Variants in MYPOP observed in about 807,000 individuals in gnomAD.
The protein encoded by MYPOP is Myb related transcription factor, partner of profilin.
MYPOP carries 21 observed loss-of-function variants against 25.7 expected under a neutral mutation model. The ratio of observed to expected loss-of-function variants is 0.82; its 90% confidence interval spans 0.58 to 1.18. The LOEUF (loss-of-function observed/expected upper bound fraction) is 1.18, where lower values mean the gene tolerates loss of function less well. Ranked by LOEUF, MYPOP falls within the 50% of genes most tolerant of loss-of-function variation. The pLI is 0.00. For synonymous variants in MYPOP, 280 were observed against 247.9 expected (o/e 1.13, Z -1.22); for missense variants, 566 against 588.3 (o/e 0.96, Z 0.39).
rs1476371537 is a variant in MYPOP, at chr19:45,891,126, G to A, written c.697C>T (p.Leu233=). 30 of 1,474,010 alleles carry A rather than the reference G, an allele frequency of 2.0e-5. 1 individual carries two copies. The Admixed American group carries it at 4.9e-4, about 24-fold the overall frequency. 91.3% of individuals were successfully genotyped at this position (1,474,010 alleles called of 1,614,324 possible). A position where few individuals can be genotyped will look rare whatever the true frequency, so the allele number is the denominator to read the frequency against. ...GGGGGTGAGGGTGCCACTTGGGCCAGTGGCGGTGGGGGTGGCAGTGGAGGG... is the reference window on the plus strand; with the variant it reads ...GGGGGTGAGGGTGCCACTTGGGCCAATGGCGGTGGGGGTGGCAGTGGAGGG... ...PAPPLPPPPP[L]AQVAPSPPSP... The change falls in exon 3 of 3, where the codon CTG becomes TTG. Residue 233 remains leucine, a synonymous_variant. Transcript: ENST00000322217.
intron 2 of MYPOP, among the ~76,000 whole-genome samples, chr19:45,898,434 TGCCTCA>T (rs984888749): frequency 2.0e-5 from 3 of 151,868 alleles, no homozygotes. Context: ...GCGATTCTCC[TGCCTCA>T]GCCTTCCTGA....
In MYPOP at chr19:45,891,303, C is replaced by T. The variant is rs1967122003; in HGVS notation, c.520G>A (p.Ala174Thr). ...CATGGCTCCGGGCTGCTGGAGCCCG[C>T]CTTGCTGTGGGCTGATGTATCTGTA... ...RRADTSAHSK[A>T]GSSSPEPWAR... The change falls in exon 3 of 3, where the codon GCG (alanine) becomes ACG (threonine). Residue 174 changes from alanine to threonine, a missense_variant. Transcript: ENST00000322217. 4 of 1,533,250 alleles carry T rather than the reference C, an allele frequency of 2.6e-6. No homozygotes were observed. The East Asian group carries it at 9.2e-5, about 35-fold the overall frequency. The allele number at this position is 1,533,250 out of a possible 1,614,324, so 95.0% of individuals were successfully genotyped here.
intron 2 of MYPOP, among the ~76,000 whole-genome samples, chr19:45,896,750 C>T (rs924057015): frequency 2.6e-5 from 4 of 151,486 alleles, no homozygotes; most frequent in African/African-American, 4.8e-5. Context: ...CTCAGCCTCC[C>T]GAGTAGCTGG....
chr19:45,896,914 C>T (rs188127029), intron 2 of MYPOP, among the ~76,000 whole-genome samples: 6 of 152,068 alleles, frequency 3.9e-5, no homozygotes, highest in South Asian at 2.1e-4. Flanking sequence ...CGTGAGCCAC[C>T]GCGCCCGGCC....
At position 45,890,480 on chromosome 19, in the gene MYPOP, G is replaced by C; in HGVS notation, c.*143C>G. The C allele has an allele frequency of 7.4e-7, 1 of 1,352,920 alleles. No individual in the cohort carries two copies. The highest frequency in any genetic ancestry group is 1.5e-5 in the South Asian group (1 of 65,904). 83.8% of individuals were successfully genotyped at this position (1,352,920 alleles called of 1,614,324 possible). On this transcript the variant is annotated 3_prime_UTR_variant, in exon 3 of 3. Transcript: ENST00000322217. The stretch of plus-strand genomic sequence containing the variant: ...TACTGAGGCCCCCCCCAGAGAATCA[G>C]GCACTAACTAGCACAGGGAGTGGGT...
chr19:45,890,715 G>T lies in MYPOP; in HGVS notation c.1108C>A (p.Pro370Thr). The change falls in exon 3 of 3, where the codon CCA (proline) becomes ACA (threonine). Residue 370 changes from proline to threonine, a missense_variant. Transcript: ENST00000322217. ...RSEEGAPRPP[P>T]APLPPHDSPP... ...GAGTCGTGCGGAGGGAGCGGGGCTG[G>T]GGGGGGCCGGGGTGCCCCCTCCTCG... 1 of 1,581,630 alleles carries T rather than the reference G, an allele frequency of 6.3e-7. No individual in the cohort carries two copies. Among genetic ancestry groups the T allele is most frequent in the Admixed American group, 1.8e-5 (1 of 55,900 alleles).
Position 45,890,667 on chromosome 19 carries a change from C to T in MYPOP, c.1156G>A (p.Gly386Ser), listed in dbSNP as rs920200162. Reference protein sequence around the residue: ...HDSPPHKRRKGFPTRKRRGRW... With the variant: ...HDSPPHKRRKSFPTRKRRGRW... ...CCGCGCCTTTTCCGTGTAGGGAAAC[C>T]TTTTCTCCGCTTGTGTGGGGGGGAG... The change falls in exon 3 of 3, where the codon GGT becomes AGT. Residue 386 changes from glycine to serine, a missense_variant. Physicochemically the swap from Gly to Ser is moderately conservative, Grantham distance 56. Coordinates refer to ENST00000322217, the MANE Select transcript of MYPOP (RefSeq NM_001012643.4). 1 of 1,577,816 alleles carries T rather than the reference C, an allele frequency of 6.3e-7. No homozygotes were observed. The highest frequency in any genetic ancestry group is 1.5e-5 in the African/African-American group (1 of 68,236).
At position 45,901,136 on chromosome 19, in the gene MYPOP, T is replaced by G. The variant is rs1600572868; in HGVS notation, c.499+139A>C. The G allele has an allele frequency of 1.2e-6, 1 of 852,828 alleles. No homozygotes were observed. Among genetic ancestry groups the G allele is most frequent in the East Asian group, 3.3e-5 (1 of 30,128 alleles). 52.8% of individuals were successfully genotyped at this position (852,828 alleles called of 1,614,324 possible). A position where few individuals can be genotyped will look rare whatever the true frequency, so the allele number is the denominator to read the frequency against. ...TCGGAACTGAGGCAAGTCATTTCATTTTTCTGAGCTTCAGTTTCCCTAGCT... is the reference window on the plus strand; with the variant it reads ...TCGGAACTGAGGCAAGTCATTTCATGTTTCTGAGCTTCAGTTTCCCTAGCT... On this transcript the variant is annotated intron_variant, in intron 2 of 2. Coordinates refer to ENST00000322217, the MANE Select transcript of MYPOP (RefSeq NM_001012643.4). This position sits in a 1 kb window ranked among gnomAD's most constrained non-coding sequence, Gnocchi z 5.7.
chr19:45,901,336 G>A lies in MYPOP; in HGVS notation c.438C>T (p.Pro146=). 1 of 1,458,952 alleles carries A rather than the reference G, an allele frequency of 6.9e-7. No individual in the cohort carries two copies. Among genetic ancestry groups the A allele is most frequent in the Non-Finnish European group, 9.0e-7 (1 of 1,106,658 alleles). 90.4% of individuals were successfully genotyped at this position (1,458,952 alleles called of 1,614,324 possible). The change falls in exon 2 of 3, where the codon CCC becomes CCT. Residue 146 remains proline, a synonymous_variant. Transcript: ENST00000322217. The surrounding 1 kb of genome is among the most constrained non-coding windows in gnomAD (Gnocchi z 5.7). ...CGTAGCGCTGAGGGCAGGCGCTTGG[G>A]GGCGGCGGCTGTGAAGAGGGGGCCG... is the stretch of plus-strand genomic sequence containing the variant. ...PPAAPSSQPP[P]PSACPQRYVL... is the part of the protein sequence containing the mutation.
intron 2 of MYPOP, among the ~76,000 whole-genome samples, chr19:45,896,559 G>A (rs1967207316): frequency 6.6e-6 from 1 of 152,110 alleles, no homozygotes; most frequent in Non-Finnish European, 1.5e-5. Flanking sequence ...TCAGAGAGAG[G>A]TGTCATAGAG....
At chr19:45,894,741 T>TG (rs775437258) in intron 2 of MYPOP, among the ~76,000 whole-genome samples, 2 of 147,388 alleles carry the variant, frequency 1.4e-5, no homozygotes, top group African/African-American at 5.0e-5. Flanking sequence ...TTTTTTGAGA[T>TG]GGAGTCTCAT....
At chr19:45,897,538 G>A (rs1177188438) in intron 2 of MYPOP, among the ~76,000 whole-genome samples, 1 of 152,160 alleles carries the variant, frequency 6.6e-6, no homozygotes, top group African/African-American at 2.4e-5. Context: ...AGGAGTCACA[G>A]CAGTGCCCCT....
chr19:45,896,853 C>T (rs1967213084), intron 2 of MYPOP, among the ~76,000 whole-genome samples: 1 of 151,924 alleles, frequency 6.6e-6, no homozygotes, highest in Admixed American at 6.6e-5. Context: ...TCTCGATCTC[C>T]TGACCTCATG....
chr19:45,895,970 G>C (rs2146378606), intron 2 of MYPOP, among the ~76,000 whole-genome samples: 1 of 151,346 alleles, frequency 6.6e-6, no homozygotes, highest in Non-Finnish European at 1.5e-5. Context: ...AGAGAAGATA[G>C]AGAAAAAAAA....
chr19:45,894,840 T>A (rs1192829140), intron 2 of MYPOP, among the ~76,000 whole-genome samples: 1 of 150,988 alleles, frequency 6.6e-6, no homozygotes, highest in African/African-American at 2.4e-5. Flanking sequence ...ACCCTCAGCC[T>A]CCTGAGTAGC....
chr19:45,891,277 C>A lies in MYPOP; in HGVS notation c.546G>T (p.Trp182Cys), dbSNP rs748506342. The A allele has an allele frequency of 1.0e-5, 16 of 1,550,682 alleles. No individual in the cohort carries two copies. The East Asian group carries it at 3.7e-4, about 36-fold the overall frequency. The change falls in exon 3 of 3, where the codon TGG (tryptophan) becomes TGT (cysteine). Residue 182 changes from tryptophan (W) to cysteine (C), a missense_variant. By Grantham distance (215) the Trp-to-Cys change is radical (BLOSUM62 -2). Transcript: ENST00000322217. Reference sequence around the variant, plus strand: ...CCTGGGGAGTGCAGGAGGGCCGGGCCCATGGCTCCGGGCTGCTGGAGCCCG... The same window carrying A: ...CCTGGGGAGTGCAGGAGGGCCGGGCACATGGCTCCGGGCTGCTGGAGCCCG... ...SKAGSSSPEPWARPSCTPQEG... is the reference protein window; with the variant it reads ...SKAGSSSPEPCARPSCTPQEG...
intron 2 of MYPOP, among the ~76,000 whole-genome samples, chr19:45,895,972 G>GA (rs577728240): frequency 1.1e-4 from 16 of 149,436 alleles, no homozygotes; most frequent in East Asian, 3.9e-4. Flanking sequence ...AGAAGATAGA[G>GA]AAAAAAAAAA....
intron 2 of MYPOP, among the ~76,000 whole-genome samples, chr19:45,899,826 G>A (rs557402795): frequency 6.6e-6 from 1 of 152,184 alleles, no homozygotes; most frequent in African/African-American, 2.4e-5. Flanking sequence ...GGGCAACAGA[G>A]CAAGACTCCG....
intron 2 of MYPOP, among the ~76,000 whole-genome samples, chr19:45,893,405 C>G (rs1001798182): frequency 1.4e-5 from 2 of 148,094 alleles, no homozygotes; most frequent in Non-Finnish European, 3.0e-5. Flanking sequence ...CCTGTCTCTA[C>G]GAAAAATACA....
Sources: allele counts gnomAD v4.1 joint callset (sites outside exome capture counted in the v4.1 genomes callset), GRCh38; gene constraint gnomAD v4.1.1; non-coding constraint Gnocchi (gnomAD v3.1); transcripts MANE v1.5; gene names NCBI Gene and HGNC (gene_info 2026-07-23, HGNC 2026-07-21).